ABCA13: variants seen among roughly 807,000 people sequenced by gnomAD.
ABCA13 encodes ATP binding cassette subfamily A member 13.
A neutral mutation model predicts 478.7 loss-of-function variants in ABCA13; 476 were observed. The observed-to-expected ratio is 0.99, with a 90% CI of 0.92 to 1.07. The LOEUF (loss-of-function observed/expected upper bound fraction) is 1.07, where lower values mean the gene tolerates loss of function less well. ABCA13 is among the 50% of genes least tolerant of loss of function. The probability of loss-of-function intolerance (pLI) is 0.00; values close to 1 mark genes in which losing one functional copy is unlikely to be tolerated. For synonymous variants in ABCA13, 2,252 were observed against 2,158.9 expected (o/e 1.04, Z -1.20); for missense variants, 6,060 against 5,910.6 (o/e 1.03, Z -0.83).
intron 8 of ABCA13, among the ~76,000 whole-genome samples, chr7:48,238,921 G>A (rs1320034263): frequency 2.0e-5 from 3 of 152,186 alleles, no homozygotes; most frequent in South Asian, 2.1e-4. Flanking sequence ...TTGTTAGTCC[G>A]AAGTATGAAT....
rs776673696 is a variant in ABCA13 at position 48,275,282 on chromosome 7, A to G, written c.5616A>G (p.Pro1872=). The G allele has an allele frequency of 3.4e-5, 55 of 1,613,812 alleles. No individual in the cohort carries two copies. The highest frequency in any genetic ancestry group is 5.0e-5 in the Admixed American group (3 of 59,992). The change falls in exon 17 of 62, where the codon CCA becomes CCG. Residue 1872 remains proline (P), a synonymous_variant. Coordinates refer to ENST00000435803, the MANE Select transcript of ABCA13 (RefSeq NM_152701.5). ...TGTCTCCCCAAGGTGAAGATTCACC[A>G]TGTTCAAATGAAAGCTCCCGAATGG... The part of the protein sequence containing the change: ...FHLSPQGEDS[P]CSNESSRMEI...
intron 58 of ABCA13, among the ~76,000 whole-genome samples, chr7:48,613,047 C>T (rs1027522581): frequency 3.3e-5 from 5 of 152,048 alleles, no homozygotes; most frequent in Admixed American, 1.3e-4. Flanking sequence ...TTATTACCCA[C>T]GAGCAGTTCT....
At chr7:48,547,563 C>T (rs1245799993) in intron 55 of ABCA13, among the ~76,000 whole-genome samples, 2 of 151,870 alleles carry the variant, frequency 1.3e-5, no homozygotes, top group Non-Finnish European at 1.5e-5. Flanking sequence ...ACCCAGAATA[C>T]AGTATGTGCA....
In ABCA13 at chr7:48,317,129, AC is replaced by A. The variant is rs778479484; in HGVS notation, c.9860-27del. 2.8e-5 allele frequency: 45 copies of A among 1,594,218 alleles called. No homozygotes were observed. The African/African-American group carries it at 5.4e-4, about 19-fold the overall frequency. ...ACCTAGGCATCGTGTATCATTAGCA[AC>A]TTTTTTTTTCTTTCTAATTGCAACA... On this transcript the variant is annotated intron_variant, in intron 26 of 61. Transcript: ENST00000435803.
intron 38 of ABCA13, among the ~76,000 whole-genome samples, chr7:48,395,611 C>T (rs933821121): frequency 6.6e-6 from 1 of 151,890 alleles, no homozygotes; most frequent in African/African-American, 2.4e-5. Context: ...TCTCCCCTTC[C>T]TCCTCCTCCT....
chr7:48,232,063 C>A (rs1789183447), intron 7 of ABCA13, among the ~76,000 whole-genome samples: 1 of 151,214 alleles, frequency 6.6e-6, no homozygotes, highest in East Asian at 1.9e-4. Context: ...CCCTCTATGG[C>A]CCCAAATTCC....
intron 40 of ABCA13, 21 bp from the exon 41 acceptor site, chr7:48,412,328 CTTTT>C (rs762560745): frequency 6.4e-6 from 10 of 1,572,080 alleles, no homozygotes; most frequent in Non-Finnish European, 6.9e-6. Context: ...TTACTGGCTT[CTTTT>C]TTCCTTTTTT....
chr7:48,286,486 CCCTT>C (rs60849653), intron 19 of ABCA13, among the ~76,000 whole-genome samples: 86,762 of 148,990 alleles, frequency 0.58, 25,637 homozygotes, highest in East Asian at 0.82. Flanking sequence ...ACTGTTTTTT[CCCTT>C]CCTTCCTTCC....
chr7:48,205,645 T>G (rs1784831201), intron 3 of ABCA13, among the ~76,000 whole-genome samples: 1 of 152,224 alleles, frequency 6.6e-6, no homozygotes, highest in African/African-American at 2.4e-5. Flanking sequence ...TTTATTGGAG[T>G]TGCATTGCAT....
chr7:48,406,306 G>A (rs775943305), intron 39 of ABCA13, among the ~76,000 whole-genome samples: 2 of 152,160 alleles, frequency 1.3e-5, no homozygotes, highest in African/African-American at 2.4e-5. Context: ...AATCCCATGT[G>A]ACCCTGCAGA....
intron 27 of ABCA13, among the ~76,000 whole-genome samples, chr7:48,320,779 C>G (rs1438745395): frequency 6.6e-6 from 1 of 152,204 alleles, no homozygotes; most frequent in African/African-American, 2.4e-5. Context: ...GTCTGGGCTT[C>G]TAAGGGACGT....
At chr7:48,577,657 G>T (rs192656573) in intron 55 of ABCA13, among the ~76,000 whole-genome samples, 1 of 152,160 alleles carries the variant, frequency 6.6e-6, no homozygotes, top group East Asian at 1.9e-4. Context: ...ATTTAAGAAA[G>T]AAATGATATC....
chr7:48,451,667 A>C (rs1448815105), intron 42 of ABCA13, among the ~76,000 whole-genome samples: 1 of 152,178 alleles, frequency 6.6e-6, no homozygotes, highest in African/African-American at 2.4e-5. Flanking sequence ...ACTTGAAAGC[A>C]TTATGTTTGT....
rs552590520 is a variant in ABCA13, at chr7:48,532,569, T to C, written c.14354+4224T>C. ...TCTCTATCCTGTAGAATAGTGTCAA[T>C]AGGATTGGTCCCAATTCTTCTTTGA... On this transcript the variant is annotated intron_variant, in intron 55 of 61. Coordinates refer to ENST00000435803, the MANE Select transcript of ABCA13 (RefSeq NM_152701.5). Among the ~76,000 whole-genome samples the C allele has an allele frequency of 5.9e-5, 9 of 152,246 alleles. No homozygotes were observed. In the East Asian group the frequency reaches 1.5e-3, roughly 26 times the overall value.
Position 48,321,500 on chromosome 7 carries a change from G to T in ABCA13, c.9999+4204G>T, listed in dbSNP as rs912475937. Among the ~76,000 whole-genome samples the T allele has an allele frequency of 2.0e-5, 3 of 152,190 alleles. 1 individual carries two copies. In the South Asian group the frequency reaches 6.2e-4, roughly 32 times the overall value. On this transcript the variant is annotated intron_variant, in intron 27 of 61. Transcript: ENST00000435803. ...CTTGGCCCTACCCATGTGTCTTGGG[G>T]GATAGTCCCTGTGTAGGCCGGCCCT...
At chr7:48,552,476 G>A (rs1785414109) in intron 55 of ABCA13, among the ~76,000 whole-genome samples, 1 of 151,776 alleles carries the variant, frequency 6.6e-6, no homozygotes, top group Non-Finnish European at 1.5e-5. Flanking sequence ...ACAGAATTTG[G>A]ACCTACAACA....
chr7:48,593,229 GT>G (rs942182853), intron 57 of ABCA13, among the ~76,000 whole-genome samples: 2 of 135,162 alleles, frequency 1.5e-5, no homozygotes, highest in Admixed American at 7.3e-5. Flanking sequence ...ATTCATTTCT[GT>G]TTTTTTTTCT....
intron 55 of ABCA13, among the ~76,000 whole-genome samples, chr7:48,571,761 A>T (rs576203735): frequency 6.6e-6 from 1 of 152,218 alleles, no homozygotes; most frequent in Non-Finnish European, 1.5e-5. Flanking sequence ...TTCAATCTTT[A>T]TAACTTTCTT....
chr7:48,200,375 A>G (rs993931906), intron 3 of ABCA13, among the ~76,000 whole-genome samples: 1 of 152,196 alleles, frequency 6.6e-6, no homozygotes, highest in African/African-American at 2.4e-5. Flanking sequence ...TCAAACAAAA[A>G]AAACCCCCCA....
Sources: gnomAD v4.1 joint callset for allele counts (sites outside exome capture counted in the v4.1 genomes callset) on GRCh38, gnomAD v4.1.1 for gene constraint, MANE v1.5 for transcripts, NCBI Gene and HGNC (gene_info 2026-07-23, HGNC 2026-07-21) for gene names.